Variants in APAF1 observed in about 807,000 individuals in gnomAD.
The protein encoded by APAF1 is apoptotic peptidase activating factor 1, also known as apoptotic protease-activating factor 1.
APAF1 carries 91 observed loss-of-function variants against 152.4 expected under a neutral mutation model. The ratio of observed to expected loss-of-function variants is 0.60; its 90% confidence interval spans 0.50 to 0.71. APAF1 has a LOEUF of 0.71. Among genes scored for constraint, APAF1 ranks in the 30% least tolerant of loss-of-function variants. APAF1 has a pLI of 0.00. For missense variants in APAF1, 1,283 were observed against 1,472.0 expected (o/e 0.87, Z 2.10); for synonymous variants, 484 against 494.1 (o/e 0.98, Z 0.27).
intron 16 of APAF1, among the ~76,000 whole-genome samples, chr12:98,698,995 C>T (rs925587421): frequency 1.3e-5 from 2 of 152,136 alleles, no homozygotes; most frequent in Non-Finnish European, 2.9e-5. Context: ...TGGACTGGGT[C>T]CTGTGTAGTC....
At chr12:98,673,535 T>G (rs2153320877) in intron 12 of APAF1, among the ~76,000 whole-genome samples, 1 of 151,802 alleles carries the variant, frequency 6.6e-6, no homozygotes, top group East Asian at 1.9e-4. Context: ...CAGCTTGAAA[T>G]AATAAATATG....
At chr12:98,703,329 A>T (rs755859380) in intron 17 of APAF1, 42 bp from the exon 18 acceptor site, 1 of 1,607,622 alleles carries the variant, frequency 6.2e-7, no homozygotes, top group Non-Finnish European at 8.5e-7. Context: ...CTTATCTCTT[A>T]AAGTATTTTA....
chr12:98,729,789 C>T (rs2097757627), intron 26 of APAF1, among the ~76,000 whole-genome samples: 1 of 152,124 alleles, frequency 6.6e-6, no homozygotes, highest in African/African-American at 2.4e-5. Flanking sequence ...CACACAGCTG[C>T]AATTTTACCA....
chr12:98,712,713 T>A (rs1018170709), intron 21 of APAF1: 6 of 364,502 alleles, frequency 1.6e-5, no homozygotes, highest in African/African-American at 1.3e-4. Context: ...TGGGGTCCCC[T>A]GTGTTGCCCA....
At position 98,647,717 on chromosome 12, in the gene APAF1, T is replaced by TTC. The variant is rs1555213113; in HGVS notation, c.-41-601_-41-600insCT. The stretch of plus-strand genomic sequence containing the variant: ...GGATCATGTTTCTGTTTTTTTTTTT[T>TTC]TTTTTTTTCAGCAACAGTATTATGA... On this transcript the variant is annotated intron_variant, in intron 1 of 26. Coordinates refer to ENST00000551964, the MANE Select transcript of APAF1 (RefSeq NM_181861.2). Among the ~76,000 whole-genome samples, 9 of 151,106 alleles carry TTC rather than the reference T, an allele frequency of 6.0e-5. 1 individual carries two copies. The highest frequency in any genetic ancestry group is 2.2e-4 in the African/African-American group (9 of 41,272).
intron 13 of APAF1, among the ~76,000 whole-genome samples, chr12:98,679,626 C>T (rs2097690255): frequency 1.3e-5 from 2 of 152,234 alleles, no homozygotes; most frequent in Non-Finnish European, 2.9e-5. Flanking sequence ...GGAGCCCAGA[C>T]TTGGGAGCTC....
intron 14 of APAF1, among the ~76,000 whole-genome samples, chr12:98,682,362 C>T (rs2097693348): frequency 1.3e-5 from 2 of 152,142 alleles, no homozygotes; most frequent in East Asian, 1.9e-4. Flanking sequence ...CTGATGATTA[C>T]TTTTTACTGA....
intron 19 of APAF1, among the ~76,000 whole-genome samples, chr12:98,707,960 T>C (rs2097723584): frequency 6.6e-6 from 1 of 152,204 alleles, no homozygotes; most frequent in Non-Finnish European, 1.5e-5. Flanking sequence ...TCTTTTTGTT[T>C]TTTTGAGACG....
chr12:98,717,389 T>C (rs2097736108), intron 22 of APAF1, among the ~76,000 whole-genome samples: 1 of 151,684 alleles, frequency 6.6e-6, no homozygotes, highest in African/African-American at 2.4e-5. Flanking sequence ...TTTTGTTTTT[T>C]TTTGAGACGG....
At chr12:98,659,129 G>T in intron 4 of APAF1, 31 bp from the exon 5 acceptor site, 1 of 1,607,264 alleles carries the variant, frequency 6.2e-7, no homozygotes, top group Non-Finnish European at 8.5e-7. Context: ...CTGTTGAAAG[G>T]CCTTAAGTTC....
intron 17 of APAF1, among the ~76,000 whole-genome samples, chr12:98,700,874 T>A (rs570483617): frequency 6.6e-6 from 1 of 152,378 alleles, no homozygotes; most frequent in African/African-American, 2.4e-5. Flanking sequence ...CTTTTGTGTC[T>A]GACTCATTTC....
At chr12:98,676,617 G>A (rs952442689) in intron 12 of APAF1, among the ~76,000 whole-genome samples, 1 of 150,902 alleles carries the variant, frequency 6.6e-6, no homozygotes, top group Non-Finnish European at 1.5e-5. Context: ...TATCTTTTTG[G>A]TATGTCTGAA....
chr12:98,725,351 A>C, intron 24 of APAF1, 64 bp from the exon 25 acceptor site: 2 of 1,602,810 alleles, frequency 1.2e-6, no homozygotes, highest in Non-Finnish European at 1.7e-6. Flanking sequence ...GCTGAATAGC[A>C]ATCAAGGCAG....
rs1241484470 is a variant in APAF1, at chr12:98,706,470, G to C, written c.2596-15G>C. ...TTATGTATGTGATTTCCTATATGCTGTGTTTATTCTGTAGTTGTGGAATAC... is the reference window on the plus strand; with the variant it reads ...TTATGTATGTGATTTCCTATATGCTCTGTTTATTCTGTAGTTGTGGAATAC... On this transcript the variant is annotated splice_polypyrimidine_tract_variant and intron_variant, in intron 18 of 26. Coordinates refer to ENST00000551964, the MANE Select transcript of APAF1 (RefSeq NM_181861.2). The C allele has an allele frequency of 6.2e-7, 1 of 1,613,682 alleles. No homozygotes were observed. The highest frequency in any genetic ancestry group is 1.3e-5 in the African/African-American group (1 of 74,884).
At chr12:98,706,372 G>A (rs2097721402) in intron 18 of APAF1, 113 bp from the exon 19 acceptor site, 1 of 1,023,918 alleles carries the variant, frequency 9.8e-7, no homozygotes, top group South Asian at 1.3e-5. Flanking sequence ...GTGTGTTTCT[G>A]AGCAATATTC....
intron 12 of APAF1, among the ~76,000 whole-genome samples, chr12:98,672,106 A>C (rs1267613579): frequency 1.3e-5 from 2 of 152,208 alleles, no homozygotes; most frequent in Non-Finnish European, 2.9e-5. Flanking sequence ...TCTCATATGT[A>C]AAATGGAGAT....
chr12:98,726,965 G>A (rs571512868), intron 25 of APAF1, among the ~76,000 whole-genome samples: 28 of 151,948 alleles, frequency 1.8e-4, no homozygotes, highest in African/African-American at 6.3e-4. Flanking sequence ...TCTTATTCTG[G>A]TGTACCTTTA....
In APAF1 at chr12:98,735,285, T is replaced by A. The variant is rs1433282718; in HGVS notation, c.*2719T>A. On this transcript the variant is annotated 3_prime_UTR_variant, in exon 27 of 27. Coordinates refer to ENST00000551964, the MANE Select transcript of APAF1 (RefSeq NM_181861.2). ...TACATTGGACTTCATATATATAATT[T>A]TTTTTTACATTATATGTCTCTTGTA... The A allele has an allele frequency of 5.0e-6, 2 of 399,580 alleles. No individual in the cohort carries two copies. The highest frequency in any genetic ancestry group is 8.8e-6 in the Non-Finnish European group (2 of 226,830). The allele number at this position is 399,580 out of a possible 1,614,324, so 24.8% of individuals were successfully genotyped here.
chr12:98,648,283 A>G (rs757252142), intron 1 of APAF1, 36 bp from the exon 2 acceptor site: 8 of 1,506,110 alleles, frequency 5.3e-6, no homozygotes, highest in Non-Finnish European at 6.5e-6. Flanking sequence ...TCATATTTTT[A>G]TTGGCCTGAC....
Sources: gnomAD v4.1 joint callset for allele counts (sites outside exome capture counted in the v4.1 genomes callset) on GRCh38, gnomAD v4.1.1 for gene constraint, MANE v1.5 for transcripts, NCBI Gene and HGNC (gene_info 2026-07-23, HGNC 2026-07-21) for gene names.